Variants in NR5A2 observed in about 807,000 individuals in gnomAD.
NR5A2 encodes CYP7A promoter-binding factor.
NR5A2 carries 26 observed loss-of-function variants against 62.7 expected under a neutral mutation model. The observed-to-expected ratio is 0.41, with a 90% CI of 0.30 to 0.58. The LOEUF is 0.58. NR5A2 is among the 20% of genes least tolerant of loss of function. The pLI, the probability that NR5A2 is intolerant of heterozygous loss-of-function variation, is 0.22. For missense variants in NR5A2, 541 were observed against 669.1 expected, an observed-to-expected ratio of 0.81 and a Z score of 2.11; for synonymous variants, 246 against 241.7, an observed-to-expected ratio of 1.02 and a Z score of -0.16.
At chr1:200,101,244 A>G (rs1308951922) in intron 5 of NR5A2, among the ~76,000 whole-genome samples, 1 of 152,172 alleles carries the variant, frequency 6.6e-6, no homozygotes, top group Non-Finnish European at 1.5e-5. Context: ...GAGGATAACA[A>G]CTAGGTGTTA....
intron 1 of NR5A2, among the ~76,000 whole-genome samples, chr1:200,032,346 A>T (rs1372641812): frequency 1.3e-5 from 2 of 152,230 alleles, no homozygotes; most frequent in African/African-American, 4.8e-5. Context: ...AGGCAAGCTG[A>T]TAAAGGTTGT....
chr1:200,111,336 CAA>C lies in NR5A2; in HGVS notation c.1230+29_1230+30del, dbSNP rs76894039. On this transcript the variant is annotated intron_variant, in intron 6 of 7. Transcript: ENST00000367362. ...CTGGGCAACAAGTGAGTGTAGAGAC[CAA>C]AAAAAAAAAAAAAGCATCTTTTTAT... 0.013 allele frequency: 17,750 copies of C among 1,359,548 alleles called. No homozygotes were observed. Among genetic ancestry groups the C allele is most frequent in the South Asian group, 0.033 (2,206 of 67,472 alleles). The allele number at this position is 1,359,548 out of a possible 1,614,324, so 84.2% of individuals were successfully genotyped here. A position where few individuals can be genotyped will look rare whatever the true frequency, so the allele number is the denominator to read the frequency against.
At chr1:200,094,093 C>A (rs1037498889) in intron 5 of NR5A2, among the ~76,000 whole-genome samples, 4 of 152,002 alleles carry the variant, frequency 2.6e-5, no homozygotes, top group African/African-American at 4.8e-5. Context: ...CACTTGAACC[C>A]GGGAGGCGGA....
chr1:200,052,313 T>A (rs1228467546), intron 5 of NR5A2, among the ~76,000 whole-genome samples: 1 of 152,194 alleles, frequency 6.6e-6, no homozygotes, highest in Non-Finnish European at 1.5e-5. Flanking sequence ...TTTTAAAATA[T>A]CATTTGGGAA....
intron 2 of NR5A2, chr1:200,042,768 C>T: frequency 1.0e-6 from 1 of 977,904 alleles, no homozygotes; most frequent in Non-Finnish European, 1.2e-6. Flanking sequence ...GTGGAGTCTC[C>T]GGGAAATACC....
chr1:200,122,177 A>T (rs1318454635), intron 7 of NR5A2, among the ~76,000 whole-genome samples: 2 of 152,230 alleles, frequency 1.3e-5, no homozygotes, highest in Non-Finnish European at 2.9e-5. Context: ...TTTCTGTATT[A>T]ACCACAATAA....
At chr1:200,148,981 C>T (rs1291944806) in intron 7 of NR5A2, among the ~76,000 whole-genome samples, 1 of 149,138 alleles carries the variant, frequency 6.7e-6, no homozygotes. Flanking sequence ...GGCACAATCT[C>T]AACTTAAAAC....
At chr1:200,061,429 C>A (rs1663215532) in intron 5 of NR5A2, among the ~76,000 whole-genome samples, 1 of 151,890 alleles carries the variant, frequency 6.6e-6, no homozygotes, top group African/African-American at 2.4e-5. Flanking sequence ...CAGGCGTATA[C>A]CACCATGCCT....
intron 5 of NR5A2, among the ~76,000 whole-genome samples, chr1:200,087,033 C>T (rs568988113): frequency 6.6e-6 from 1 of 152,138 alleles, no homozygotes; most frequent in South Asian, 2.1e-4. Context: ...AATGAGACTC[C>T]TCAAAAATAA....
At chr1:200,149,207 C>T (rs1010661883) in intron 7 of NR5A2, among the ~76,000 whole-genome samples, 5 of 152,206 alleles carry the variant, frequency 3.3e-5, no homozygotes, top group African/African-American at 4.8e-5. Context: ...CCACCTCACC[C>T]GGCCACACGC....
At chr1:200,155,737 G>A (rs1260909380) in intron 7 of NR5A2, among the ~76,000 whole-genome samples, 2 of 151,346 alleles carry the variant, frequency 1.3e-5, no homozygotes, top group East Asian at 1.9e-4. Context: ...GCAATGGTGC[G>A]ATCTTGGCTC....
At chr1:200,138,802 T>G (rs1397385732) in intron 7 of NR5A2, among the ~76,000 whole-genome samples, 1 of 152,178 alleles carries the variant, frequency 6.6e-6, no homozygotes, top group African/African-American at 2.4e-5. Flanking sequence ...TAATCTCACA[T>G]GTTTTATGCA....
At position 200,039,294 on chromosome 1, in the gene NR5A2, G is replaced by A. The variant is rs1661934037; in HGVS notation, c.65-364G>A. On this transcript the variant is annotated intron_variant, in intron 1 of 7. Coordinates refer to ENST00000367362, the MANE Select transcript of NR5A2 (RefSeq NM_205860.3). This position sits in a 1 kb window ranked among gnomAD's most constrained non-coding sequence, Gnocchi z 5.1. ...CGAGCCGTCCGGGAGCAGTGGCAGC[G>A]GCACAGCCGGGGCGGCAATAGCAGC... Among the ~76,000 whole-genome samples, 1 of 152,122 alleles carries A rather than the reference G, an allele frequency of 6.6e-6. No individual in the cohort carries two copies. The highest frequency in any genetic ancestry group is 2.1e-4 in the South Asian group (1 of 4,828).
intron 2 of NR5A2, among the ~76,000 whole-genome samples, chr1:200,040,836 C>A (rs1662033513): frequency 6.6e-6 from 1 of 152,226 alleles, no homozygotes; most frequent in Admixed American, 6.5e-5. Flanking sequence ...GACCTGTAGT[C>A]GCCCTACCGC....
At position 200,048,001 on chromosome 1, in the gene NR5A2, C is replaced by A. The variant is rs962024861; in HGVS notation, c.464-171C>A. ...CGACACACACTTGGAGGAAGGAATT[C>A]ATAAATAAAGAGGACATGGTTTTTT... On this transcript the variant is annotated intron_variant, in intron 4 of 7. Transcript: ENST00000367362. The surrounding 1 kb of genome is among the most constrained non-coding windows in gnomAD (Gnocchi z 4.8). 2.0e-5 allele frequency among the ~76,000 whole-genome samples: 3 copies of A among 152,144 alleles called. No homozygotes were observed. Among genetic ancestry groups the A allele is most frequent in the South Asian group, 2.1e-4 (1 of 4,822 alleles).
intron 5 of NR5A2, among the ~76,000 whole-genome samples, chr1:200,107,018 T>A (rs1380419258): frequency 6.6e-6 from 1 of 152,192 alleles, no homozygotes; most frequent in Non-Finnish European, 1.5e-5. Context: ...AGGAATCAAT[T>A]GCTCGAGTGG....
At chr1:200,087,486 C>T (rs1049689994) in intron 5 of NR5A2, among the ~76,000 whole-genome samples, 1 of 152,106 alleles carries the variant, frequency 6.6e-6, no homozygotes, top group Non-Finnish European at 1.5e-5. Flanking sequence ...CCTCCGCCTC[C>T]TGGGTTCAGG....
At chr1:200,104,835 G>A (rs1665567624) in intron 5 of NR5A2, among the ~76,000 whole-genome samples, 1 of 152,008 alleles carries the variant, frequency 6.6e-6, no homozygotes, top group East Asian at 1.9e-4. Flanking sequence ...GCTAATTTTT[G>A]TATTTTTAGT....
At chr1:200,133,626 C>T (rs540430257) in intron 7 of NR5A2, among the ~76,000 whole-genome samples, 10 of 124,114 alleles carry the variant, frequency 8.1e-5, no homozygotes, top group African/African-American at 6.1e-5. Flanking sequence ...CACACACACA[C>T]GTATATATGT....
Sources: allele counts gnomAD v4.1 joint callset (sites outside exome capture counted in the v4.1 genomes callset), GRCh38; gene constraint gnomAD v4.1.1; non-coding constraint Gnocchi (gnomAD v3.1); transcripts MANE v1.5; gene names NCBI Gene and HGNC (gene_info 2026-07-23, HGNC 2026-07-21).